The following MGAT4A variants were observed in gnomAD, a reference collection of about 807,000 sequenced individuals.
MGAT4A encodes alpha-1,3-mannosyl-glycoprotein 4-beta-N-acetylglucosaminyltransferase A.
MGAT4A carries 33 observed loss-of-function variants against 74.1 expected under a neutral mutation model. The ratio of observed to expected loss-of-function variants is 0.45; its 90% CI spans 0.34 to 0.60. MGAT4A has a LOEUF of 0.60. Ranked by LOEUF, MGAT4A falls within the 20% of genes least tolerant of loss-of-function variation. The pLI is 0.02. For synonymous variants in MGAT4A, 198 were observed against 210.4 expected (o/e 0.94, Z 0.51); for missense variants, 479 against 628.3 (o/e 0.76, Z 2.54).
chr2:98,679,331 A>G (rs75158208), intron 2 of MGAT4A, among the ~76,000 whole-genome samples: 35,223 of 147,072 alleles, frequency 0.24, 4,920 homozygotes, highest in Non-Finnish European at 0.32. Flanking sequence ...GCATGAACCC[A>G]GGAGGCGGAG....
At chr2:98,669,439 G>C (rs1391760689) in intron 4 of MGAT4A, among the ~76,000 whole-genome samples, 2 of 152,124 alleles carry the variant, frequency 1.3e-5, no homozygotes, top group African/African-American at 4.8e-5. Flanking sequence ...CAGCCACGTG[G>C]AACTGTTAAG....
intron 2 of MGAT4A, among the ~76,000 whole-genome samples, chr2:98,713,185 CAAA>C (rs139508612): frequency 0.063 from 3,428 of 54,136 alleles, 190 homozygotes; most frequent in African/African-American, 0.2. Context: ...GATCATGTCT[CAAA>C]AAAAAAAAAA....
chr2:98,684,005 T>C (rs1702097055), intron 2 of MGAT4A, among the ~76,000 whole-genome samples: 1 of 152,312 alleles, frequency 6.6e-6, no homozygotes, highest in African/African-American at 2.4e-5. Context: ...TTCTGCCACA[T>C]TAAAAGAGTT....
intron 2 of MGAT4A, among the ~76,000 whole-genome samples, chr2:98,720,766 G>A (rs1702658022): frequency 6.6e-6 from 1 of 151,650 alleles, no homozygotes; most frequent in Non-Finnish European, 1.5e-5. Context: ...TCAAGAGGGA[G>A]AAAAAAATGA....
At chr2:98,682,682 G>C (rs184279097) in intron 2 of MGAT4A, among the ~76,000 whole-genome samples, 1 of 150,760 alleles carries the variant, frequency 6.6e-6, no homozygotes, top group Non-Finnish European at 1.5e-5. Flanking sequence ...CACGTGCCTC[G>C]TGAAGTGAAC....
intron 3 of MGAT4A, among the ~76,000 whole-genome samples, chr2:98,676,295 T>C: frequency 6.6e-6 from 1 of 152,274 alleles, no homozygotes; most frequent in East Asian, 1.9e-4. Flanking sequence ...TTTCTACCTA[T>C]GAAATTAGCA....
At chr2:98,705,544 T>C (rs976238876) in intron 2 of MGAT4A, among the ~76,000 whole-genome samples, 1 of 152,200 alleles carries the variant, frequency 6.6e-6, no homozygotes, top group South Asian at 2.1e-4. Context: ...GGACAGTAAA[T>C]CATATGATCA....
Position 98,623,121 on chromosome 2 carries a change from C to T in MGAT4A, c.*2445G>A, listed in dbSNP as rs141056167. ...CCACCTGCCACGTGCCTGGCACACA[C>T]CCTAGGCACGGGTAGATTCATGGGG... On this transcript the variant is annotated 3_prime_UTR_variant, in exon 16 of 16. Coordinates refer to ENST00000393487, the MANE Select transcript of MGAT4A (RefSeq NM_012214.3). 732 of 985,444 alleles carry T rather than the reference C, an allele frequency of 7.4e-4. 9 individuals are homozygous for T. The African/African-American group carries it at 0.011, about 15-fold the overall frequency. The allele number at this position is 985,444 out of a possible 1,614,324, so 61.0% of individuals were successfully genotyped here. A position where few individuals can be genotyped will look rare whatever the true frequency, so the allele number is the denominator to read the frequency against.
intron 1 of MGAT4A, among the ~76,000 whole-genome samples, chr2:98,727,519 T>A (rs970258537): frequency 2.0e-5 from 3 of 152,144 alleles, no homozygotes; most frequent in African/African-American, 4.8e-5. Context: ...TCAGTCTCAA[T>A]CCCTGGAGGC....
At chr2:98,689,029 A>T (rs1399539941) in intron 2 of MGAT4A, among the ~76,000 whole-genome samples, 1 of 150,456 alleles carries the variant, frequency 6.6e-6, no homozygotes, top group Non-Finnish European at 1.5e-5. Context: ...TAATCATGCT[A>T]AAAAAAACTA....
chr2:98,634,439 G>T (rs189868004), intron 14 of MGAT4A, among the ~76,000 whole-genome samples: 1 of 152,182 alleles, frequency 6.6e-6, no homozygotes, highest in East Asian at 1.9e-4. Context: ...GGGCTGGAGA[G>T]AAAGAATGAG....
intron 4 of MGAT4A, chr2:98,663,456 A>C: frequency 6.8e-7 from 1 of 1,467,492 alleles, no homozygotes; most frequent in Non-Finnish European, 9.0e-7. Flanking sequence ...TATAAACAGC[A>C]AACTGTATTT....
At chr2:98,705,997 C>A (rs1240790306) in intron 2 of MGAT4A, among the ~76,000 whole-genome samples, 1 of 151,498 alleles carries the variant, frequency 6.6e-6, no homozygotes, top group Non-Finnish European at 1.5e-5. Flanking sequence ...ATAAAATTCC[C>A]ATTATTGAAC....
chr2:98,631,465 GGCCT>G (rs1312832455), intron 14 of MGAT4A, among the ~76,000 whole-genome samples: 1 of 152,206 alleles, frequency 6.6e-6, no homozygotes, highest in East Asian at 1.9e-4. Flanking sequence ...AGACCACCCT[GGCCT>G]GCCACGTCCC....
rs1243717601 is a variant in MGAT4A, at chr2:98,678,346, C to T, written c.220G>A (p.Ala74Thr). 6.8e-7 allele frequency: 1 copy of T among 1,480,814 alleles called. No individual in the cohort carries two copies. The highest frequency in any genetic ancestry group is 9.1e-7 in the Non-Finnish European group (1 of 1,103,866). 91.7% of individuals were successfully genotyped at this position (1,480,814 alleles called of 1,614,324 possible). A position where few individuals can be genotyped will look rare whatever the true frequency, so the allele number is the denominator to read the frequency against. Residue 74 changes from alanine to threonine, a missense_variant, in exon 3 of 16, where the codon GCA (alanine) becomes ACA (threonine). By Grantham distance (58) the Ala-to-Thr change is moderately conservative. This residue lies in a region of MGAT4A where 205 missense variants were observed against 232.7 expected (regional missense o/e 0.88). Transcript: ENST00000393487. ...TIVQQFKRVG[A>T]ETNGSKDALN... ...GCATCCTTACTTCCATTTGTTTCTG[C>T]TCCTACACGCTTGAACTGTTGCACA...
At chr2:98,678,249 A>AAAAAAAAAAAATAT (rs67023324) in intron 3 of MGAT4A, 55 bp downstream of exon 3, 7 of 263,868 alleles carry the variant, frequency 2.7e-5, no homozygotes, top group Admixed American at 8.3e-5. Flanking sequence ...AAAAAAAAAA[A>AAAAAAAAAAAATAT]ATATATATAT....
chr2:98,698,382 A>C (rs1702305181), intron 2 of MGAT4A, among the ~76,000 whole-genome samples: 1 of 152,232 alleles, frequency 6.6e-6, no homozygotes, highest in Non-Finnish European at 1.5e-5. Context: ...GCATCACTGC[A>C]CTGCAGCCTG....
rs1347985726 is a variant in MGAT4A, at chr2:98,656,472, T to A, written c.585-7A>T. 1 of 1,566,060 alleles carries A rather than the reference T, an allele frequency of 6.4e-7. No individual in the cohort carries two copies. The highest frequency in any genetic ancestry group is 1.4e-5 in the African/African-American group (1 of 73,122). On this transcript the variant is annotated splice_region_variant and splice_polypyrimidine_tract_variant and intron_variant, in intron 6 of 15. Transcript: ENST00000393487. ...ACTGATTTCTTTAGAAAATCTATTA[T>A]GAGAAAGTTAGCTGAGTTACTTAAG...
Position 98,622,789 on chromosome 2 carries a change from A to G in MGAT4A, c.*2777T>C. On this transcript the variant is annotated 3_prime_UTR_variant, in exon 16 of 16. Transcript: ENST00000393487. ...AGAGACAGCACACACCATACACACAAACAATCAAAAACTAGACAACCGATT... is the reference window on the plus strand; with the variant it reads ...AGAGACAGCACACACCATACACACAGACAATCAAAAACTAGACAACCGATT... 57 of 985,604 alleles carry G rather than the reference A, an allele frequency of 5.8e-5. No homozygotes were observed. Among genetic ancestry groups the G allele is most frequent in the Non-Finnish European group, 6.9e-5 (57 of 830,080 alleles). 61.1% of individuals were successfully genotyped at this position (985,604 alleles called of 1,614,324 possible). A position where few individuals can be genotyped will look rare whatever the true frequency, so the allele number is the denominator to read the frequency against.
Sources: gnomAD v4.1 joint callset for allele counts (sites outside exome capture counted in the v4.1 genomes callset) on GRCh38, gnomAD v4.1.1 for gene constraint, gnomAD v4.1.1 regional missense constraint, MANE v1.5 for transcripts, NCBI Gene and HGNC (gene_info 2026-07-23, HGNC 2026-07-21) for gene names.